SEMA3C: variants seen among roughly 807,000 people sequenced by gnomAD.
SEMA3C encodes semaphorin-3C.
Under a neutral mutation model 89.4 loss-of-function variants are expected in SEMA3C, and 47 were observed. The ratio of observed to expected loss-of-function variants is 0.53; its 90% CI spans 0.42 to 0.67. The LOEUF is 0.67. SEMA3C is among the 30% of genes least tolerant of loss of function. The pLI is 0.00. For synonymous variants in SEMA3C, 310 were observed against 320.2 expected, an observed-to-expected ratio of 0.97 and a Z score of 0.34; for missense variants, 839 against 929.1, an observed-to-expected ratio of 0.90 and a Z score of 1.26.
At chr7:80,896,457 A>T (rs1206510290) in intron 2 of SEMA3C, among the ~76,000 whole-genome samples, 1 of 152,202 alleles carries the variant, frequency 6.6e-6, no homozygotes, top group African/African-American at 2.4e-5. Flanking sequence ...GTTATATCTC[A>T]GATTACCTTT....
At chr7:80,866,727 T>A (rs568284762) in intron 2 of SEMA3C, among the ~76,000 whole-genome samples, 11 of 152,250 alleles carry the variant, frequency 7.2e-5, no homozygotes, top group East Asian at 3.9e-4. Flanking sequence ...ATAGTAATTT[T>A]AAAAAAATCA....
intron 15 of SEMA3C, among the ~76,000 whole-genome samples, chr7:80,757,843 T>G (rs1374623785): frequency 6.6e-6 from 1 of 152,138 alleles, no homozygotes; most frequent in Non-Finnish European, 1.5e-5. Flanking sequence ...GGTGGGCACC[T>G]GTAATCCCAG....
upstream of SEMA3C, among the ~76,000 whole-genome samples, chr7:80,919,870 T>A (rs369697441): frequency 5.6e-4 from 85 of 152,250 alleles, no homozygotes; most frequent in East Asian, 9.9e-3. Context: ...CTCTGTTGCG[T>A]GTTTTCTAAA....
At chr7:80,855,796 T>C (rs1339018209) in intron 2 of SEMA3C, among the ~76,000 whole-genome samples, 1 of 152,188 alleles carries the variant, frequency 6.6e-6, no homozygotes, top group East Asian at 1.9e-4. Context: ...TTGCCTTCTT[T>C]GAAATATTCA....
chr7:80,784,797 T>G (rs184198164), intron 12 of SEMA3C, among the ~76,000 whole-genome samples: 7 of 152,288 alleles, frequency 4.6e-5, no homozygotes, highest in Admixed American at 2.6e-4. Flanking sequence ...TCATATAATC[T>G]TCACTGCTCA....
upstream of SEMA3C, chr7:80,919,420 A>G (rs1214783826): frequency 3.1e-6 from 3 of 970,578 alleles, no homozygotes; most frequent in South Asian, 9.6e-5. Flanking sequence ...GAAGACTTAC[A>G]CAGGCTTTGC....
intron 2 of SEMA3C, among the ~76,000 whole-genome samples, chr7:80,880,438 C>A (rs1439646936): frequency 6.6e-6 from 1 of 152,162 alleles, no homozygotes; most frequent in East Asian, 1.9e-4. Context: ...TGCTAAGTAT[C>A]TGTTAAATGA....
intron 15 of SEMA3C, among the ~76,000 whole-genome samples, chr7:80,754,972 GTA>G (rs1788033112): frequency 1.0e-4 from 3 of 29,500 alleles, no homozygotes; most frequent in African/African-American, 1.4e-4. Flanking sequence ...TTTTTTTTTT[GTA>G]TTTTTAGTAG....
intron 2 of SEMA3C, among the ~76,000 whole-genome samples, chr7:80,898,589 C>T (rs1252840251): frequency 6.6e-6 from 1 of 151,944 alleles, no homozygotes; most frequent in Non-Finnish European, 1.5e-5. Flanking sequence ...TAGGCAGAAC[C>T]AAATCACACT....
chr7:80,895,811 T>A (rs1791720948), intron 2 of SEMA3C, among the ~76,000 whole-genome samples: 1 of 152,146 alleles, frequency 6.6e-6, no homozygotes, highest in Non-Finnish European at 1.5e-5. Context: ...ATTAAGGTGA[T>A]GATTCAATTT....
chr7:80,907,962 G>A (rs2116226295), intron 2 of SEMA3C, among the ~76,000 whole-genome samples: 1 of 152,066 alleles, frequency 6.6e-6, no homozygotes, highest in East Asian at 1.9e-4. Context: ...CTGTTGAATA[G>A]TTTGTTTACA....
chr7:80,789,498 G>T lies in SEMA3C; in HGVS notation c.1162C>A (p.Arg388=), dbSNP rs1328447911. The T allele has an allele frequency of 1.9e-6, 3 of 1,612,706 alleles. No homozygotes were observed. The highest frequency in any genetic ancestry group is 3.3e-5 in the Admixed American group (2 of 59,836). ...CPGGAFTPNM[R]TTKEFPDDVV... Reference sequence around the variant, plus strand: ...TCATCTGGGAACTCCTTGGTGGTTCGCATATTGGGTGTAAATGCTCCTCCT... The same window carrying T: ...TCATCTGGGAACTCCTTGGTGGTTCTCATATTGGGTGTAAATGCTCCTCCT... The change falls in exon 12 of 18, where the codon CGA becomes AGA. Residue 388 remains arginine, a synonymous_variant. Coordinates refer to ENST00000265361, the MANE Select transcript of SEMA3C (RefSeq NM_006379.5).
chr7:80,915,010 T>C (rs938487043), intron 2 of SEMA3C, among the ~76,000 whole-genome samples: 3 of 152,138 alleles, frequency 2.0e-5, no homozygotes, highest in African/African-American at 7.2e-5. Context: ...GATATTTACA[T>C]TAGTTTGGAT....
chr7:80,787,334 G>C (rs1562874787), intron 12 of SEMA3C, among the ~76,000 whole-genome samples: 1 of 147,852 alleles, frequency 6.8e-6, no homozygotes, highest in Non-Finnish European at 1.5e-5. Flanking sequence ...AGAGGTTGCA[G>C]TGAGCCGAGA....
chr7:80,743,132 TA>T lies in SEMA3C; in HGVS notation c.*1761del, dbSNP rs1787719709. ...GTCAATGTAGAAGAGAAAAGAAGTT[TA>T]ATTATACCTTTTAAGCAGGCAAACC... is the stretch of plus-strand genomic sequence containing the variant. On this transcript the variant is annotated 3_prime_UTR_variant, in exon 18 of 18. Transcript: ENST00000265361. 6.6e-6 allele frequency: 1 copy of T among 151,952 alleles called. No individual in the cohort carries two copies. The highest frequency in any genetic ancestry group is 1.9e-4 in the East Asian group (1 of 5,194). 9.4% of individuals were successfully genotyped at this position (151,952 alleles called of 1,614,324 possible). A position where few individuals can be genotyped will look rare whatever the true frequency, so the allele number is the denominator to read the frequency against.
At chr7:80,792,793 T>G (rs904878540) in intron 11 of SEMA3C, among the ~76,000 whole-genome samples, 1 of 152,186 alleles carries the variant, frequency 6.6e-6, no homozygotes, top group Non-Finnish European at 1.5e-5. Flanking sequence ...TTCTATTGAT[T>G]CATGCCATCA....
At chr7:80,921,413 G>A (rs1295212604), upstream of SEMA3C, among the ~76,000 whole-genome samples, 1 of 152,148 alleles carries the variant, frequency 6.6e-6, no homozygotes, top group Non-Finnish European at 1.5e-5. Context: ...GCCACAGAGT[G>A]GAATTTTAAC....
chr7:80,821,632 G>C (rs2115779121), intron 4 of SEMA3C, among the ~76,000 whole-genome samples: 1 of 152,286 alleles, frequency 6.6e-6, no homozygotes, highest in Non-Finnish European at 1.5e-5. Context: ...TGTTAGCCAG[G>C]ATGCACAGTT....
At chr7:80,781,889 G>C (rs1225418878) in intron 12 of SEMA3C, among the ~76,000 whole-genome samples, 1 of 152,056 alleles carries the variant, frequency 6.6e-6, no homozygotes, top group Non-Finnish European at 1.5e-5. Context: ...ATGAGCCAGT[G>C]GTGCAAAGTG....
Sources: gnomAD v4.1 joint callset for allele counts (sites outside exome capture counted in the v4.1 genomes callset) on GRCh38, gnomAD v4.1.1 for gene constraint, MANE v1.5 for transcripts, NCBI Gene and HGNC (gene_info 2026-07-23, HGNC 2026-07-21) for gene names.